Variants in APLP2 observed in about 807,000 individuals in gnomAD.
The protein encoded by APLP2 is amyloid beta precursor like protein 2, also known as CDEI box-binding protein.
In APLP2, 53 loss-of-function variants were observed where a neutral mutation model predicts 89.9. The observed-to-expected ratio is 0.59, with a 90% CI of 0.47 to 0.74. APLP2 has a LOEUF of 0.74. Among genes scored for constraint, APLP2 ranks in the 30% least tolerant of loss-of-function variants. The pLI, the probability that APLP2 is intolerant of heterozygous loss-of-function variation, is 0.00. For synonymous variants in APLP2, 372 were observed against 348.6 expected, an observed-to-expected ratio of 1.07 and a Z score of -0.75; for missense variants, 973 against 975.9, an observed-to-expected ratio of 1.00 and a Z score of 0.04.
chr11:130,120,344 G>A (rs910142820), intron 3 of APLP2, among the ~76,000 whole-genome samples: 1 of 151,810 alleles, frequency 6.6e-6, no homozygotes, highest in Admixed American at 6.5e-5. Context: ...GATTACAGAG[G>A]TGTGGGCAGG....
chr11:130,129,731 A>C (rs901007619), intron 10 of APLP2, among the ~76,000 whole-genome samples: 1 of 152,222 alleles, frequency 6.6e-6, no homozygotes, highest in African/African-American at 2.4e-5. Flanking sequence ...ACAGGAGACT[A>C]TCTAGCTTAT....
chr11:130,092,514 G>T (rs1242510331), intron 1 of APLP2, among the ~76,000 whole-genome samples: 2 of 143,124 alleles, frequency 1.4e-5, no homozygotes, highest in African/African-American at 5.5e-5. Flanking sequence ...GCGGTTAGGG[G>T]CTGGAGACCG....
rs1949525070 is a variant in APLP2 at position 130,119,031 on chromosome 11, T to A, written c.404-1675T>A. ...CTTACCACTGGGGCGGTAGAAAGACTGACTTCAGTGCTTGCGCCCGAGGCC... is the reference window on the plus strand; with the variant it reads ...CTTACCACTGGGGCGGTAGAAAGACAGACTTCAGTGCTTGCGCCCGAGGCC... On this transcript the variant is annotated intron_variant, in intron 3 of 16. Coordinates refer to ENST00000338167, the MANE Select transcript of APLP2 (RefSeq NM_001142276.2). Among the ~76,000 whole-genome samples the A allele has an allele frequency of 2.0e-5, 3 of 152,222 alleles. No individual in the cohort carries two copies. In the South Asian group the frequency reaches 6.2e-4, roughly 31 times the overall value.
At chr11:130,133,353 G>A (rs143488133) in intron 11 of APLP2, among the ~76,000 whole-genome samples, 4 of 152,138 alleles carry the variant, frequency 2.6e-5, no homozygotes, top group Non-Finnish European at 4.4e-5. Context: ...AAACTCCTTC[G>A]CTCAAGTGAT....
At chr11:130,112,353 C>T (rs1268475830) in intron 3 of APLP2, among the ~76,000 whole-genome samples, 1 of 152,050 alleles carries the variant, frequency 6.6e-6, no homozygotes, top group Non-Finnish European at 1.5e-5. Context: ...TTTTGAAAAT[C>T]GCTGAAAAAG....
intron 1 of APLP2, among the ~76,000 whole-genome samples, chr11:130,091,849 G>T (rs1359966515): frequency 6.8e-6 from 1 of 147,844 alleles, no homozygotes; most frequent in African/African-American, 2.6e-5. Context: ...CCCGGACGGG[G>T]TGGCTGCCGG....
At position 130,141,539 on chromosome 11, in the gene APLP2, T is replaced by C; in HGVS notation, c.1965T>C (p.Asn655=). 1.2e-6 allele frequency: 2 copies of C among 1,614,088 alleles called. No individual in the cohort carries two copies. Among genetic ancestry groups the C allele is most frequent in the Non-Finnish European group, 8.5e-7 (1 of 1,180,024 alleles). Residue 655 remains asparagine (N), a synonymous_variant, in exon 15 of 17, where the codon AAT becomes AAC. Transcript: ENST00000338167. This position sits in a 1 kb window ranked among gnomAD's most constrained non-coding sequence, Gnocchi z 4.2. The stretch of plus-strand genomic sequence containing the variant: ...TGGATGTTAAGGAAATGATTTTCAA[T>C]GCCGAGAGAGTTGGAGGCCTCGAGG... ...ETLDVKEMIF[N]AERVGGLEEE... is the part of the protein sequence containing the mutation.
chr11:130,137,105 G>T (rs1334993018), intron 13 of APLP2: 7 of 696,604 alleles, frequency 1.0e-5, no homozygotes, highest in Middle Eastern at 3.8e-4. Flanking sequence ...TTGTTTATGG[G>T]ATATTTCAGG....
chr11:130,137,259 C>G (rs762454330), intron 13 of APLP2: 2 of 1,614,096 alleles, frequency 1.2e-6, no homozygotes, highest in Non-Finnish European at 1.7e-6. Context: ...CTGCTAGACA[C>G]TCAGCCGGAG....
chr11:130,070,592 C>G, intron 1 of APLP2: 6 of 1,345,970 alleles, frequency 4.5e-6, no homozygotes, highest in Non-Finnish European at 5.7e-6. Flanking sequence ...GACGCGGCCC[C>G]GGCCTTCGCG....
At chr11:130,089,433 CCT>C (rs1259476766) in intron 1 of APLP2, among the ~76,000 whole-genome samples, 1 of 152,214 alleles carries the variant, frequency 6.6e-6, no homozygotes, top group Non-Finnish European at 1.5e-5. Context: ...TCCGTGCATG[CCT>C]CTGTTACAGC....
chr11:130,092,689 A>G (rs1173198813), intron 1 of APLP2, among the ~76,000 whole-genome samples: 3 of 57,928 alleles, frequency 5.2e-5, no homozygotes, highest in Admixed American at 2.5e-4. Flanking sequence ...TCCGCATGAG[A>G]GGGAGACCGT....
At chr11:130,096,285 G>T (rs1454177542) in intron 1 of APLP2, among the ~76,000 whole-genome samples, 1 of 152,200 alleles carries the variant, frequency 6.6e-6, no homozygotes, top group Admixed American at 6.5e-5. Context: ...CTGCATCATG[G>T]TGGGCCTTGC....
intron 13 of APLP2, among the ~76,000 whole-genome samples, chr11:130,136,001 G>T (rs572474133): frequency 6.6e-6 from 1 of 152,170 alleles, no homozygotes; most frequent in Non-Finnish European, 1.5e-5. Flanking sequence ...CTTACATGGG[G>T]GAGGCACTTG....
intron 16 of APLP2, 141 bp from the exon 17 acceptor site, chr11:130,143,206 C>T (rs1952634908): frequency 2.8e-6 from 2 of 711,732 alleles, no homozygotes; most frequent in Non-Finnish European, 4.9e-6. Flanking sequence ...CACCGGTTCT[C>T]ATTTGGCCTG....
At chr11:130,104,108 T>C (rs1029545979) in intron 1 of APLP2, among the ~76,000 whole-genome samples, 3 of 152,024 alleles carry the variant, frequency 2.0e-5, no homozygotes, top group Non-Finnish European at 4.4e-5. Context: ...GGGGTTTCCT[T>C]ACCTTTATCT....
intron 1 of APLP2, among the ~76,000 whole-genome samples, chr11:130,079,169 G>C (rs1942697715): frequency 6.6e-6 from 1 of 152,042 alleles, no homozygotes. Flanking sequence ...TGCAGTCTCT[G>C]CTCACTGCAA....
In APLP2 at chr11:130,123,779, A is replaced by G. The variant is rs1336464317; in HGVS notation, c.1090A>G (p.Ile364Val). 6.2e-7 allele frequency: 1 copy of G among 1,613,980 alleles called. No homozygotes were observed. Among genetic ancestry groups the G allele is most frequent in the Non-Finnish European group, 8.5e-7 (1 of 1,179,960 alleles). ...TTGTATGGCTGTGTGTAAAGCGATG[A>G]GTAAGTCCTGCCTCGCGCTGGTCCC... is the stretch of plus-strand genomic sequence containing the variant. ...DYCMAVCKAM[I>V]PPTPLPTNDV... Residue 364 changes from isoleucine (I) to valine (V), a missense_variant and splice_region_variant, in exon 7 of 17, where the codon ATT (isoleucine) becomes GTT (valine). Ile to Val is a conservative substitution (Grantham distance 29). Coordinates refer to ENST00000338167, the MANE Select transcript of APLP2 (RefSeq NM_001142276.2). The surrounding 1 kb of genome is among the most constrained non-coding windows in gnomAD (Gnocchi z 4.0).
In APLP2 at chr11:130,069,957, G is replaced by A. The variant is rs904753247; in HGVS notation, c.-21G>A. ...GAGTGTGTGAGCTTGAGAGCCGCGC[G>A]CTAGAGCGACCCGGCGAGGGATGGC... is the stretch of plus-strand genomic sequence containing the variant. On this transcript the variant is annotated 5_prime_UTR_variant, in exon 1 of 17. Coordinates refer to ENST00000338167, the MANE Select transcript of APLP2 (RefSeq NM_001142276.2). The A allele has an allele frequency of 2.0e-6, 3 of 1,492,048 alleles. No individual in the cohort carries two copies. The African/African-American group carries it at 4.3e-5, about 21-fold the overall frequency. 92.4% of individuals were successfully genotyped at this position (1,492,048 alleles called of 1,614,324 possible).
Sources: allele counts gnomAD v4.1 joint callset (sites outside exome capture counted in the v4.1 genomes callset), GRCh38; gene constraint gnomAD v4.1.1; non-coding constraint Gnocchi (gnomAD v3.1); transcripts MANE v1.5; gene names NCBI Gene and HGNC (gene_info 2026-07-23, HGNC 2026-07-21).